The following ROBO1 variants were observed in gnomAD, a reference collection of about 807,000 sequenced individuals.
The protein encoded by ROBO1 is roundabout homolog 1.
A neutral mutation model predicts 195.9 loss-of-function variants in ROBO1; 149 were observed. That is an observed-to-expected ratio of 0.76 (90% CI 0.67 to 0.87). The LOEUF is 0.87. Among genes scored for constraint, ROBO1 ranks in the 40% least tolerant of loss-of-function variants. The pLI, the probability that ROBO1 is intolerant of heterozygous loss-of-function variation, is 0.00. For synonymous variants in ROBO1, 816 were observed against 733.2 expected (o/e 1.11, Z -1.82); for missense variants, 1,933 against 2,068.3 (o/e 0.93, Z 1.27).
At chr3:79,572,700 CA>C (rs1192012863) in intron 2 of ROBO1, among the ~76,000 whole-genome samples, 4 of 151,840 alleles carry the variant, frequency 2.6e-5, no homozygotes, top group Non-Finnish European at 5.9e-5. Context: ...AGTAGTAAAA[CA>C]AGAGTAAAAG....
chr3:79,044,081 T>G (rs925475107), intron 3 of ROBO1, among the ~76,000 whole-genome samples: 5 of 150,834 alleles, frequency 3.3e-5, no homozygotes, highest in African/African-American at 1.2e-4. Flanking sequence ...AGAATTGTCT[T>G]GGGTCACACA....
chr3:79,232,178 C>G lies in ROBO1; in HGVS notation c.89-106639G>C, dbSNP rs374029644. 2.2e-3 allele frequency among the ~76,000 whole-genome samples: 333 copies of G among 150,780 alleles called. 1 individual carries two copies. Among genetic ancestry groups the G allele is most frequent in the African/African-American group, 7.2e-3 (294 of 41,086 alleles). Reference sequence around the variant, plus strand: ...ACACAAGTTTAATTATGTAACAAACCTACAAATGTACTCCTGAACTTGAAA... The same window carrying G: ...ACACAAGTTTAATTATGTAACAAACGTACAAATGTACTCCTGAACTTGAAA... On this transcript the variant is annotated intron_variant, in intron 2 of 30. Coordinates refer to ENST00000464233, the MANE Select transcript of ROBO1 (RefSeq NM_002941.4).
chr3:79,597,137 G>T (rs1944199986), intron 1 of ROBO1, among the ~76,000 whole-genome samples: 1 of 151,860 alleles, frequency 6.6e-6, no homozygotes, highest in Non-Finnish European at 1.5e-5. Flanking sequence ...ACGTGTGTGT[G>T]TGTGTGTGTG....
intron 4 of ROBO1, among the ~76,000 whole-genome samples, chr3:78,848,992 A>G (rs963358350): frequency 5.3e-5 from 8 of 152,122 alleles, no homozygotes; most frequent in African/African-American, 1.9e-4. Flanking sequence ...TGTTTAAAGT[A>G]GAGATGGCAG....
chr3:78,821,977 A>G (rs894819042), intron 4 of ROBO1, among the ~76,000 whole-genome samples: 2 of 152,020 alleles, frequency 1.3e-5, no homozygotes, highest in African/African-American at 4.8e-5. Context: ...CAACGGGCCA[A>G]TGCCACCCAA....
intron 2 of ROBO1, among the ~76,000 whole-genome samples, chr3:79,195,286 T>G (rs1176648182): frequency 1.3e-5 from 2 of 151,690 alleles, no homozygotes; most frequent in Non-Finnish European, 3.0e-5. Context: ...GGGCATATAG[T>G]AAGTATTCAG....
chr3:79,362,063 G>C (rs1403808418), intron 2 of ROBO1, among the ~76,000 whole-genome samples: 2 of 151,920 alleles, frequency 1.3e-5, no homozygotes, highest in Non-Finnish European at 2.9e-5. Flanking sequence ...TGAATTTTAG[G>C]ATGTATGTTG....
At chr3:79,027,919 A>G (rs1252011003) in intron 3 of ROBO1, among the ~76,000 whole-genome samples, 1 of 152,058 alleles carries the variant, frequency 6.6e-6, no homozygotes, top group Non-Finnish European at 1.5e-5. Context: ...GAAGCCAGTG[A>G]AACAATCTTA....
intron 1 of ROBO1, among the ~76,000 whole-genome samples, chr3:79,766,772 G>C (rs1347144606): frequency 6.6e-6 from 1 of 152,182 alleles, no homozygotes; most frequent in Non-Finnish European, 1.5e-5. Context: ...ATGGGGCAGG[G>C]AGAAGGAGCA....
chr3:79,606,810 C>T (rs1007603543), intron 1 of ROBO1, among the ~76,000 whole-genome samples: 7 of 151,688 alleles, frequency 4.6e-5, no homozygotes, highest in African/African-American at 4.8e-5. Flanking sequence ...TACAAATCAA[C>T]CGTTTCAAAA....
intron 3 of ROBO1, among the ~76,000 whole-genome samples, chr3:79,008,069 T>C (rs1179991429): frequency 1.3e-5 from 2 of 152,178 alleles, no homozygotes; most frequent in African/African-American, 4.8e-5. Flanking sequence ...TCTCCATTAT[T>C]TCTCTCAGCA....
intron 2 of ROBO1, among the ~76,000 whole-genome samples, chr3:79,583,271 A>G (rs1229162084): frequency 6.6e-6 from 1 of 152,004 alleles, no homozygotes; most frequent in Non-Finnish European, 1.5e-5. Context: ...TTGACATCAT[A>G]TCTATTCTCA....
chr3:79,486,942 A>C (rs1338268019), intron 2 of ROBO1, among the ~76,000 whole-genome samples: 1 of 152,136 alleles, frequency 6.6e-6, no homozygotes, highest in African/African-American at 2.4e-5. Context: ...AGGAGACAGT[A>C]CCTGAGGGAT....
At chr3:79,326,400 C>T (rs377234651) in intron 2 of ROBO1, among the ~76,000 whole-genome samples, 5 of 152,128 alleles carry the variant, frequency 3.3e-5, no homozygotes, top group Admixed American at 6.5e-5. Context: ...CTCCCCCAGA[C>T]GACCAGCTTT....
At chr3:79,695,006 A>C (rs968792543) in intron 1 of ROBO1, among the ~76,000 whole-genome samples, 1 of 151,566 alleles carries the variant, frequency 6.6e-6, no homozygotes, top group East Asian at 1.9e-4. Context: ...TTTTGGAGGA[A>C]AATCTGTCAT....
intron 2 of ROBO1, among the ~76,000 whole-genome samples, chr3:79,550,149 A>G (rs969882035): frequency 7.2e-5 from 8 of 110,792 alleles, no homozygotes; most frequent in Non-Finnish European, 1.5e-4. Context: ...AACAAAAAGA[A>G]AGGAAGAAAG....
rs557890285 is a variant in ROBO1 at position 79,441,073 on chromosome 3, T to C, written c.88+148751A>G. On this transcript the variant is annotated intron_variant, in intron 2 of 30. Coordinates refer to ENST00000464233, the MANE Select transcript of ROBO1 (RefSeq NM_002941.4). Reference sequence around the variant, plus strand: ...TTTTTATTGTTATCCAAAAAACATATATGCTAAACTCTTGTTAATTATGAT... The same window carrying C: ...TTTTTATTGTTATCCAAAAAACATACATGCTAAACTCTTGTTAATTATGAT... Among the ~76,000 whole-genome samples the C allele has an allele frequency of 7.9e-5, 12 of 152,234 alleles. No individual in the cohort carries two copies. The South Asian group carries it at 2.1e-3, about 26-fold the overall frequency.
chr3:79,283,421 G>A lies in ROBO1; in HGVS notation c.89-157882C>T, dbSNP rs1253999543. Among the ~76,000 whole-genome samples, 3 of 152,268 alleles carry A rather than the reference G, an allele frequency of 2.0e-5. No homozygotes were observed. In the East Asian group the frequency reaches 5.8e-4, roughly 29 times the overall value. On this transcript the variant is annotated intron_variant, in intron 2 of 30. Coordinates refer to ENST00000464233, the MANE Select transcript of ROBO1 (RefSeq NM_002941.4). ...TTCTATTTCCTTCAATGGGTCTCAA[G>A]AATTTGTACTGTATCACATATCTTC...
chr3:79,152,979 G>T (rs578095530), intron 2 of ROBO1, among the ~76,000 whole-genome samples: 1 of 151,712 alleles, frequency 6.6e-6, no homozygotes, highest in Non-Finnish European at 1.5e-5. Context: ...AGCGAAAGAG[G>T]TTCAAGTCTG....
Sources: gnomAD v4.1 joint callset for allele counts (sites outside exome capture counted in the v4.1 genomes callset) on GRCh38, gnomAD v4.1.1 for gene constraint, MANE v1.5 for transcripts, NCBI Gene and HGNC (gene_info 2026-07-23, HGNC 2026-07-21) for gene names.